Variants in MKLN1 observed in about 807,000 individuals in gnomAD.
MKLN1 encodes muskelin.
Under a neutral mutation model 99.0 loss-of-function variants are expected in MKLN1, and 18 were observed. The observed-to-expected ratio is 0.18, with a 90% confidence interval of 0.13 to 0.27. The LOEUF (loss-of-function observed/expected upper bound fraction) is 0.27. Ranked by LOEUF, MKLN1 falls within the 10% of genes least tolerant of loss-of-function variation. The pLI is 1.00. For synonymous variants in MKLN1, 288 were observed against 293.2 expected (o/e 0.98, Z 0.18); for missense variants, 621 against 875.9 (o/e 0.71, Z 3.67).
chr7:131,361,126 G>T (rs1268975630), intron 1 of MKLN1, among the ~76,000 whole-genome samples: 1 of 151,526 alleles, frequency 6.6e-6, no homozygotes, highest in Non-Finnish European at 1.5e-5. Flanking sequence ...GATATTTCCT[G>T]CTTGGTTTTC....
chr7:131,398,656 A>G (rs952451368), intron 5 of MKLN1, among the ~76,000 whole-genome samples: 1 of 152,136 alleles, frequency 6.6e-6, no homozygotes, highest in African/African-American at 2.4e-5. Flanking sequence ...ATGCCGCTAC[A>G]GTCCAGCCTG....
At chr7:131,279,073 A>G (rs1185297618) in intron 3 of MKLN1, among the ~76,000 whole-genome samples, 2 of 152,168 alleles carry the variant, frequency 1.3e-5, no homozygotes, top group Admixed American at 1.3e-4. Flanking sequence ...TATATTACTG[A>G]GTGTTTACTG....
intron 3 of MKLN1, among the ~76,000 whole-genome samples, chr7:131,237,263 A>T (rs770615121): frequency 1.3e-5 from 2 of 152,188 alleles, no homozygotes; most frequent in Non-Finnish European, 2.9e-5. Context: ...TTCCAGGCGG[A>T]TTTACATTCC....
intron 1 of MKLN1, among the ~76,000 whole-genome samples, chr7:131,340,339 G>A (rs1028155886): frequency 2.8e-4 from 38 of 135,572 alleles, no homozygotes; most frequent in African/African-American, 1.0e-3. Context: ...AGTGCGTGGT[G>A]CGATCTTGGC....
intron 2 of MKLN1, among the ~76,000 whole-genome samples, chr7:131,172,346 C>T (rs1332332102): frequency 1.3e-5 from 2 of 151,142 alleles, no homozygotes; most frequent in African/African-American, 4.9e-5. Context: ...GATGGAGTCT[C>T]GCTCTGTCAC....
At chr7:131,371,171 A>G (rs954648861) in intron 1 of MKLN1, among the ~76,000 whole-genome samples, 5 of 152,106 alleles carry the variant, frequency 3.3e-5, no homozygotes, top group African/African-American at 1.2e-4. Flanking sequence ...AGTACCTTGT[A>G]TATGGCAACA....
At chr7:131,322,763 G>A (rs548982647) in intron 3 of MKLN1, among the ~76,000 whole-genome samples, 27 of 151,254 alleles carry the variant, frequency 1.8e-4, no homozygotes, top group Admixed American at 1.4e-3. Context: ...GTAGAGACGG[G>A]GTTTCACCTT....
intron 3 of MKLN1, among the ~76,000 whole-genome samples, chr7:131,210,893 T>C (rs910709472): frequency 6.6e-6 from 1 of 150,800 alleles, no homozygotes; most frequent in African/African-American, 2.4e-5. Flanking sequence ...TTGAAGTCGT[T>C]AAAATAGGAA....
chr7:131,363,808 G>A (rs1401557705), intron 1 of MKLN1, among the ~76,000 whole-genome samples: 2 of 145,516 alleles, frequency 1.4e-5, no homozygotes, highest in African/African-American at 5.0e-5. Flanking sequence ...TATTTCTTTT[G>A]TAGCACTTAT....
intron 8 of MKLN1, among the ~76,000 whole-genome samples, chr7:131,420,993 G>A (rs1022345720): frequency 1.3e-5 from 2 of 152,068 alleles, no homozygotes; most frequent in Admixed American, 1.3e-4. Flanking sequence ...TGGTGGATCT[G>A]TTTTATTGGT....
chr7:131,435,535 A>C (rs961347543), intron 9 of MKLN1, among the ~76,000 whole-genome samples: 4 of 152,102 alleles, frequency 2.6e-5, no homozygotes, highest in Non-Finnish European at 5.9e-5. Flanking sequence ...GATATAATTT[A>C]CCAGTGTAGA....
upstream of MKLN1, chr7:131,327,799 C>T: frequency 6.8e-7 from 1 of 1,460,086 alleles, no homozygotes; most frequent in Non-Finnish European, 9.0e-7. Flanking sequence ...GGAGCGCGGG[C>T]GGCCGGGGAG....
intron 3 of MKLN1, among the ~76,000 whole-genome samples, chr7:131,209,269 G>A (rs1391861035): frequency 6.6e-6 from 1 of 152,202 alleles, no homozygotes; most frequent in Non-Finnish European, 1.5e-5. Flanking sequence ...GAGATGGGAA[G>A]CTCTCAGAAA....
At chr7:131,420,474 A>G (rs1425746570) in intron 8 of MKLN1, among the ~76,000 whole-genome samples, 2 of 152,200 alleles carry the variant, frequency 1.3e-5, no homozygotes, top group South Asian at 2.1e-4. Flanking sequence ...GGGTACAACA[A>G]GAGGATCCAA....
intron 1 of MKLN1, among the ~76,000 whole-genome samples, chr7:131,331,069 A>T (rs556403833): frequency 2.0e-5 from 3 of 152,288 alleles, no homozygotes; most frequent in African/African-American, 4.8e-5. Flanking sequence ...TCAAATGTTT[A>T]TTTTTGTATC....
intron 12 of MKLN1, 21 bp from the exon 13 acceptor site, chr7:131,463,196 A>T (rs1554370540): frequency 8.9e-6 from 14 of 1,573,774 alleles, no homozygotes; most frequent in Admixed American, 1.7e-5. Flanking sequence ...TTTTCATCTT[A>T]TTTTTTTCTT....
At chr7:131,319,870 C>A (rs1336208602) in intron 3 of MKLN1, among the ~76,000 whole-genome samples, 2 of 152,124 alleles carry the variant, frequency 1.3e-5, no homozygotes, top group African/African-American at 2.4e-5. Context: ...ATACAGTTTT[C>A]AAGGGACGTG....
At chr7:131,200,085 T>A (rs539511946) in intron 2 of MKLN1, among the ~76,000 whole-genome samples, 60 of 152,260 alleles carry the variant, frequency 3.9e-4, no homozygotes, top group African/African-American at 1.4e-3. Context: ...ATCTCAGCTC[T>A]GCAACCTCTG....
At chr7:131,110,483 A>G (rs967332874) in intron 1 of MKLN1, among the ~76,000 whole-genome samples, 3 of 152,126 alleles carry the variant, frequency 2.0e-5, no homozygotes, top group African/African-American at 7.2e-5. Flanking sequence ...TTTGAGAAGT[A>G]TCAGCCCATC....
Sources: gnomAD v4.1 joint callset for allele counts (sites outside exome capture counted in the v4.1 genomes callset) on GRCh38, gnomAD v4.1.1 for gene constraint, MANE v1.5 for transcripts, NCBI Gene and HGNC (gene_info 2026-07-23, HGNC 2026-07-21) for gene names.